PAM: variants seen among roughly 807,000 people sequenced by gnomAD.
The protein encoded by PAM is peptidyl-glycine alpha-amidating monooxygenase.
A neutral mutation model predicts 122.1 loss-of-function variants in PAM; 72 were observed. The ratio of observed to expected loss-of-function variants is 0.59; its 90% CI spans 0.49 to 0.72. The LOEUF (loss-of-function observed/expected upper bound fraction) is 0.72, where lower values mean the gene tolerates loss of function less well. Ranked by LOEUF, PAM falls within the 30% of genes least tolerant of loss-of-function variation. The pLI is 0.00. For missense variants in PAM, 1,106 were observed against 1,183.7 expected (o/e 0.93, Z 0.96); for synonymous variants, 389 against 404.4 (o/e 0.96, Z 0.46).
intron 15 of PAM, among the ~76,000 whole-genome samples, chr5:102,988,904 A>T (rs897726067): frequency 2.0e-5 from 3 of 152,188 alleles, no homozygotes; most frequent in Non-Finnish European, 4.4e-5. Flanking sequence ...TTGTTCTCAC[A>T]CAAGCATCCT....
At chr5:102,775,950 C>G (rs1757058104) in intron 1 of PAM, among the ~76,000 whole-genome samples, 2 of 152,132 alleles carry the variant, frequency 1.3e-5, no homozygotes, top group African/African-American at 4.8e-5. Flanking sequence ...AATTTACATT[C>G]CCACTAACAG....
At chr5:102,813,986 C>A (rs1257653278) in intron 1 of PAM, among the ~76,000 whole-genome samples, 1 of 152,162 alleles carries the variant, frequency 6.6e-6, no homozygotes, top group Non-Finnish European at 1.5e-5. Context: ...CTGTTGCTTA[C>A]TGTTTGTCAT....
intron 21 of PAM, among the ~76,000 whole-genome samples, chr5:103,010,851 CA>C (rs1390932007): frequency 1.3e-5 from 2 of 152,004 alleles, no homozygotes; most frequent in African/African-American, 4.8e-5. Flanking sequence ...CACAGGTATG[CA>C]ATGTGCTAAA....
At chr5:102,759,009 A>G (rs1453249975) in intron 1 of PAM, among the ~76,000 whole-genome samples, 1 of 152,248 alleles carries the variant, frequency 6.6e-6, no homozygotes, top group Non-Finnish European at 1.5e-5. Context: ...GCTTTTTCCT[A>G]GGCACTGACA....
In PAM at chr5:102,806,134, C is replaced by T. The variant is rs117734091; in HGVS notation, c.-374+50786C>T. Reference sequence around the variant, plus strand: ...ATCTCTGGAAAAGTCGAAACAAGTGCTCCCTTTTTGTGTGTGTATTGCCTA... The same window carrying T: ...ATCTCTGGAAAAGTCGAAACAAGTGTTCCCTTTTTGTGTGTGTATTGCCTA... On this transcript the variant is annotated intron_variant, in intron 1 of 25. Coordinates refer to ENST00000438793, the MANE Select transcript of PAM (RefSeq NM_001177306.2). Among the ~76,000 whole-genome samples, 6 of 152,276 alleles carry T rather than the reference C, an allele frequency of 3.9e-5. No homozygotes were observed. In the East Asian group the frequency reaches 1.2e-3, roughly 29 times the overall value.
intron 7 of PAM, among the ~76,000 whole-genome samples, chr5:102,928,601 C>A (rs1581796243): frequency 6.6e-6 from 1 of 151,764 alleles, no homozygotes; most frequent in Non-Finnish European, 1.5e-5. Flanking sequence ...CTATCAGGTC[C>A]CTAAAGCTTT....
intron 1 of PAM, among the ~76,000 whole-genome samples, chr5:102,786,199 G>A (rs1214452029): frequency 6.6e-6 from 1 of 152,230 alleles, no homozygotes; most frequent in Non-Finnish European, 1.5e-5. Context: ...TTTGTGTCAT[G>A]TAAGCTCACA....
At chr5:102,773,452 A>G (rs984707452) in intron 1 of PAM, among the ~76,000 whole-genome samples, 6 of 152,168 alleles carry the variant, frequency 3.9e-5, no homozygotes, top group Non-Finnish European at 8.8e-5. Context: ...AAAAGCAACA[A>G]TAGACAATAC....
intron 7 of PAM, among the ~76,000 whole-genome samples, chr5:102,940,853 T>G (rs983534364): frequency 6.6e-6 from 1 of 152,116 alleles, no homozygotes; most frequent in East Asian, 1.9e-4. Context: ...GTGTTAGTTT[T>G]TTAAGTTTCC....
intron 16 of PAM, among the ~76,000 whole-genome samples, chr5:102,996,917 T>C (rs1382456217): frequency 3.3e-5 from 5 of 152,244 alleles, no homozygotes; most frequent in African/African-American, 1.2e-4. Context: ...GATTTTGTTA[T>C]GTTTTGTTAG....
At chr5:102,785,067 T>G (rs1200396586) in intron 1 of PAM, among the ~76,000 whole-genome samples, 1 of 152,236 alleles carries the variant, frequency 6.6e-6, no homozygotes, top group East Asian at 1.9e-4. Context: ...TGTTCTTTGT[T>G]TTTTTATACT....
At chr5:103,012,182 G>A (rs145943448) in intron 21 of PAM, among the ~76,000 whole-genome samples, 124 of 152,252 alleles carry the variant, frequency 8.1e-4, no homozygotes, top group African/African-American at 3.0e-3. Flanking sequence ...TAGATGGGTA[G>A]TTTGCAATTT....
chr5:102,806,097 T>A (rs1379177133), intron 1 of PAM, among the ~76,000 whole-genome samples: 1 of 152,252 alleles, frequency 6.6e-6, no homozygotes, highest in Non-Finnish European at 1.5e-5. Context: ...GACTGTTCTT[T>A]ATGATTGTTA....
intron 21 of PAM, among the ~76,000 whole-genome samples, chr5:103,012,366 A>G (rs1780867445): frequency 6.6e-6 from 1 of 152,158 alleles, no homozygotes; most frequent in Non-Finnish European, 1.5e-5. Flanking sequence ...TGTTTCCCCA[A>G]TGTTTTCTTG....
At chr5:102,810,665 C>T (rs1014776075) in intron 1 of PAM, among the ~76,000 whole-genome samples, 1 of 152,004 alleles carries the variant, frequency 6.6e-6, no homozygotes, top group Non-Finnish European at 1.5e-5. Flanking sequence ...CCCGTCTGTA[C>T]TAAAAATACA....
chr5:102,834,198 T>C (rs1266802539), intron 1 of PAM, among the ~76,000 whole-genome samples: 2 of 152,120 alleles, frequency 1.3e-5, no homozygotes, highest in Non-Finnish European at 2.9e-5. Flanking sequence ...AAAAGAAAAA[T>C]TCTACTTTTG....
chr5:102,899,749 G>A (rs1561813252), intron 3 of PAM, among the ~76,000 whole-genome samples: 2 of 151,622 alleles, frequency 1.3e-5, no homozygotes, highest in Non-Finnish European at 3.0e-5. Context: ...TACTATTGCA[G>A]TAGGGAAGTG....
At chr5:103,020,079 T>C (rs748098141) in intron 23 of PAM, among the ~76,000 whole-genome samples, 14 of 152,114 alleles carry the variant, frequency 9.2e-5, no homozygotes, top group Non-Finnish European at 1.6e-4. Flanking sequence ...TAGAAAGTGA[T>C]TGAGGATACA....
At chr5:102,979,664 A>G (rs1308381887) in intron 15 of PAM, among the ~76,000 whole-genome samples, 1 of 152,086 alleles carries the variant, frequency 6.6e-6, no homozygotes, top group Non-Finnish European at 1.5e-5. Flanking sequence ...AGATAAATGA[A>G]TGCCCTTTCA....
Sources: allele counts gnomAD v4.1 joint callset (sites outside exome capture counted in the v4.1 genomes callset), GRCh38; gene constraint gnomAD v4.1.1; transcripts MANE v1.5; gene names NCBI Gene and HGNC (gene_info 2026-07-23, HGNC 2026-07-21).